Variants in ATL1 observed in about 807,000 individuals in gnomAD.
The protein encoded by ATL1 is atlastin GTPase 1, also known as atlastin-1.
ATL1 carries 31 observed loss-of-function variants against 75.5 expected under a neutral mutation model. The ratio of observed to expected loss-of-function variants is 0.41; its 90% CI spans 0.31 to 0.55. The LOEUF (loss-of-function observed/expected upper bound fraction) is 0.55, where lower values mean the gene tolerates loss of function less well. ATL1 is among the 20% of genes least tolerant of loss of function. The pLI, the probability that ATL1 is intolerant of heterozygous loss-of-function variation, is 0.27. For missense variants in ATL1, 405 were observed against 662.6 expected (o/e 0.61, Z 4.27); for synonymous variants, 226 against 233.3 (o/e 0.97, Z 0.28).
At chr14:50,546,694 G>T (rs1382555016) in intron 1 of ATL1, among the ~76,000 whole-genome samples, 1 of 152,144 alleles carries the variant, frequency 6.6e-6, no homozygotes, top group Non-Finnish European at 1.5e-5. Context: ...TGACATGAAA[G>T]TTATAAGACT....
chr14:50,603,718 A>C (rs532815877), intron 6 of ATL1, among the ~76,000 whole-genome samples: 3 of 152,332 alleles, frequency 2.0e-5, no homozygotes, highest in African/African-American at 7.2e-5. Context: ...ATCTGTGATG[A>C]TTATAACTGC....
chr14:50,566,758 C>T (rs185290988), intron 1 of ATL1, among the ~76,000 whole-genome samples: 69 of 152,148 alleles, frequency 4.5e-4, no homozygotes, highest in Admixed American at 8.5e-4. Context: ...CCACTTTTTG[C>T]ATGACTTTGA....
chr14:50,564,768 T>G (rs1374369310), intron 1 of ATL1, among the ~76,000 whole-genome samples: 1 of 151,028 alleles, frequency 6.6e-6, no homozygotes, highest in Non-Finnish European at 1.5e-5. Context: ...TCACAGTAAG[T>G]GTAGGAAATG....
rs113180555 is a variant in ATL1, at chr14:50,612,233, C to T, written c.631-1026C>T. Among the ~76,000 whole-genome samples the T allele has an allele frequency of 1.4e-4, 21 of 152,110 alleles. 1 individual carries two copies. Among genetic ancestry groups the T allele is most frequent in the South Asian group, 4.2e-4 (2 of 4,808 alleles). ...AACTGATGCTGTTAAAAGTCAGGCA[C>T]GTGGTTACCCTTGAGCAAGGGGTCA... is the stretch of plus-strand genomic sequence containing the variant. On this transcript the variant is annotated intron_variant, in intron 6 of 13. Coordinates refer to ENST00000358385, the MANE Select transcript of ATL1 (RefSeq NM_015915.5).
In ATL1 at chr14:50,621,915, G is replaced by A. The variant is rs2039470709; in HGVS notation, c.1047+16G>A. On this transcript the variant is annotated intron_variant, in intron 10 of 13. Coordinates refer to ENST00000358385, the MANE Select transcript of ATL1 (RefSeq NM_015915.5). The stretch of plus-strand genomic sequence containing the variant: ...CATGTTACAGGTATTTATTAATGAG[G>A]AGGCATGTTTTAAGACACGTGACTA... 6.4e-7 allele frequency: 1 copy of A among 1,571,454 alleles called. No homozygotes were observed. The highest frequency in any genetic ancestry group is 8.8e-7 in the Non-Finnish European group (1 of 1,142,276).
intron 1 of ATL1, among the ~76,000 whole-genome samples, chr14:50,545,248 A>G (rs2038616111): frequency 6.6e-6 from 1 of 152,346 alleles, no homozygotes; most frequent in Middle Eastern, 3.4e-3. Flanking sequence ...AGCGCCCTGT[A>G]TGTAAGTCCT....
rs370173293 is a variant in ATL1 at position 50,591,600 on chromosome 14, C to T, written c.483C>T (p.Ala161=). 4.0e-5 allele frequency: 65 copies of T among 1,613,470 alleles called. No homozygotes were observed. The highest frequency in any genetic ancestry group is 5.4e-5 in the Non-Finnish European group (64 of 1,179,756). The change falls in exon 4 of 14, where the codon GCC becomes GCT. Residue 161 remains alanine (A), a synonymous_variant. Transcript: ENST00000358385. ...GTCAGTCAACTTTGAGAGATTCAGC[C>T]ACAGTATTTGCCCTTAGCACAATGA... ...FDSQSTLRDS[A]TVFALSTMIS... is the part of the protein sequence containing the mutation.
intron 6 of ATL1, among the ~76,000 whole-genome samples, chr14:50,596,784 T>C (rs2039221667): frequency 6.6e-6 from 1 of 152,162 alleles, no homozygotes; most frequent in African/African-American, 2.4e-5. Context: ...AATTGAGTGC[T>C]TGAAAGAAAA....
At chr14:50,536,108 G>A (rs957600890) in intron 1 of ATL1, among the ~76,000 whole-genome samples, 4 of 152,148 alleles carry the variant, frequency 2.6e-5, no homozygotes, top group Admixed American at 6.5e-5. Flanking sequence ...TAGATTGCCC[G>A]GTCTCAGGTT....
chr14:50,557,596 G>A (rs977062584), upstream of ATL1, among the ~76,000 whole-genome samples: 1 of 152,042 alleles, frequency 6.6e-6, no homozygotes, highest in African/African-American at 2.4e-5. Flanking sequence ...TCTATATGTG[G>A]GCATTCAGGT....
In ATL1 at chr14:50,620,495, T is replaced by C. The variant is rs1011200195; in HGVS notation, c.863-104T>C. The C allele has an allele frequency of 4.8e-6, 6 of 1,238,702 alleles. No homozygotes were observed. In the East Asian group the frequency reaches 1.3e-4, roughly 27 times the overall value. The allele number at this position is 1,238,702 out of a possible 1,614,324, so 76.7% of individuals were successfully genotyped here. A position where few individuals can be genotyped will look rare whatever the true frequency, so the allele number is the denominator to read the frequency against. ...ATGATGGGGAAGTGAGTGATGGCAT[T>C]ATCACTGGGGAGGAAATGGGGGAGA... On this transcript the variant is annotated intron_variant, in intron 8 of 13. Transcript: ENST00000358385.
chr14:50,540,037 C>T (rs181177215), intron 1 of ATL1, among the ~76,000 whole-genome samples: 8 of 152,294 alleles, frequency 5.3e-5, no homozygotes, highest in African/African-American at 1.7e-4. Flanking sequence ...CAGATATCCT[C>T]GAAAGATTCT....
chr14:50,603,351 T>C (rs1465573590), intron 6 of ATL1, among the ~76,000 whole-genome samples: 2 of 152,200 alleles, frequency 1.3e-5, no homozygotes. Context: ...TACACAGATA[T>C]TCAAATTATC....
intron 5 of ATL1, 52 bp from the exon 6 acceptor site, chr14:50,595,518 TTCTCTC>T (rs3834518): frequency 3.4e-3 from 4,653 of 1,368,008 alleles, no homozygotes; most frequent in Admixed American, 4.1e-3. Flanking sequence ...GGTGCTAAAG[TTCTCTC>T]TCTCTCTCTC....
rs370681083 is a variant in ATL1 at position 50,625,806 on chromosome 14, A to G, written c.1120-2225A>G. On this transcript the variant is annotated intron_variant, in intron 11 of 13. Transcript: ENST00000358385. ...GCACCTGTAGTCCCAGGTACTCAGG[A>G]GGCTGAGGCAGGAGAAGGGCGTGAA... Among the ~76,000 whole-genome samples, 169 of 151,742 alleles carry G rather than the reference A, an allele frequency of 1.1e-3. 2 individuals are homozygous for G. In the South Asian group the frequency reaches 0.033, roughly 29 times the overall value.
At chr14:50,568,760 A>C (rs2038927705) in intron 1 of ATL1, among the ~76,000 whole-genome samples, 1 of 152,002 alleles carries the variant, frequency 6.6e-6, no homozygotes, top group African/African-American at 2.4e-5. Flanking sequence ...TTCCTGCATT[A>C]CTGCGCATTA....
chr14:50,556,089 T>C (rs566116708), upstream of ATL1, among the ~76,000 whole-genome samples: 7 of 152,326 alleles, frequency 4.6e-5, no homozygotes, highest in South Asian at 1.2e-3. Flanking sequence ...AAAGTTCAAA[T>C]GGAGTAATAC....
chr14:50,624,320 C>T (rs553375952), intron 11 of ATL1, among the ~76,000 whole-genome samples: 1 of 152,164 alleles, frequency 6.6e-6, no homozygotes, highest in South Asian at 2.1e-4. Context: ...TCACTTCATG[C>T]CTGTGTCACA....
intron 1 of ATL1, among the ~76,000 whole-genome samples, chr14:50,581,346 C>T (rs115844049): frequency 0.012 from 1,792 of 151,780 alleles, 34 homozygotes; most frequent in African/African-American, 0.041. Context: ...TACGACCTAA[C>T]ATATTGATTC....
Sources: gnomAD v4.1 joint callset for allele counts (sites outside exome capture counted in the v4.1 genomes callset) on GRCh38, gnomAD v4.1.1 for gene constraint, MANE v1.5 for transcripts, NCBI Gene and HGNC (gene_info 2026-07-23, HGNC 2026-07-21) for gene names.